PDE9A: variants seen among roughly 807,000 people sequenced by gnomAD.
PDE9A encodes phosphodiesterase 9A, also known as high affinity cGMP-specific 3',5'-cyclic phosphodiesterase 9A.
PDE9A carries 60 observed loss-of-function variants against 87.4 expected under a neutral mutation model. The observed-to-expected ratio is 0.69, with a 90% CI of 0.56 to 0.85. The LOEUF is 0.85. Among genes scored for constraint, PDE9A ranks in the 40% least tolerant of loss-of-function variants. The pLI, the probability that PDE9A is intolerant of heterozygous loss-of-function variation, is 0.00. For missense variants in PDE9A, 665 were observed against 779.0 expected (o/e 0.85, Z 1.74); for synonymous variants, 272 against 279.4 (o/e 0.97, Z 0.27).
At chr21:42,748,022 A>G (rs1337609345) in intron 8 of PDE9A, among the ~76,000 whole-genome samples, 1 of 152,198 alleles carries the variant, frequency 6.6e-6, no homozygotes, top group Non-Finnish European at 1.5e-5. Context: ...AGCGGGCCCC[A>G]GCAGACCCTC....
intron 4 of PDE9A, among the ~76,000 whole-genome samples, chr21:42,706,362 C>T (rs949693577): frequency 6.6e-6 from 1 of 152,184 alleles, no homozygotes; most frequent in African/African-American, 2.4e-5. Flanking sequence ...TGTACAACCT[C>T]AGCCAGGCAT....
chr21:42,731,980 A>AC (rs750155380), intron 5 of PDE9A, 31 bp downstream of exon 5: 2 of 1,611,376 alleles, frequency 1.2e-6, no homozygotes, highest in Non-Finnish European at 1.7e-6. Context: ...CACAGCCTCC[A>AC]CCCCCCAACA....
chr21:42,748,716 T>A (rs1414489045), intron 8 of PDE9A, among the ~76,000 whole-genome samples: 3 of 152,176 alleles, frequency 2.0e-5, no homozygotes, highest in African/African-American at 4.8e-5. Context: ...AACTAAAACA[T>A]GCGTTGTGTA....
intron 7 of PDE9A, among the ~76,000 whole-genome samples, chr21:42,742,590 C>T (rs1014092250): frequency 2.7e-4 from 41 of 151,666 alleles, no homozygotes; most frequent in East Asian, 1.9e-4. Flanking sequence ...CTCAGCCTCC[C>T]GAGTAGCTGG....
rs933569325 is a variant in PDE9A, at chr21:42,723,565, C to T, written c.263-8205C>T. 1.3e-5 allele frequency among the ~76,000 whole-genome samples: 2 copies of T among 152,190 alleles called. No individual in the cohort carries two copies. The highest frequency in any genetic ancestry group is 4.8e-5 in the African/African-American group (2 of 41,450). ...GTATCTAGAGGTAAATCCCCATCAG[C>T]TTGGAGCAGCACCATGAAATCCACT... is the stretch of plus-strand genomic sequence containing the variant. On this transcript the variant is annotated intron_variant, in intron 4 of 19. Coordinates refer to ENST00000291539, the MANE Select transcript of PDE9A (RefSeq NM_002606.3). This position sits in a 1 kb window ranked among gnomAD's most constrained non-coding sequence, Gnocchi z 4.3.
At chr21:42,656,272 G>T (rs61639224) in intron 1 of PDE9A, among the ~76,000 whole-genome samples, 26,798 of 152,122 alleles carry the variant, frequency 0.18, 2,838 homozygotes, top group East Asian at 0.32. Flanking sequence ...TGTGTTCGTC[G>T]GCACCACCTG....
intron 1 of PDE9A, among the ~76,000 whole-genome samples, chr21:42,677,046 G>A (rs1266270048): frequency 6.6e-6 from 1 of 152,154 alleles, no homozygotes; most frequent in East Asian, 1.9e-4. Flanking sequence ...TCCCTCCTGG[G>A]GAAGGGTAGT....
chr21:42,653,723 CG>C lies in PDE9A; in HGVS notation c.-91del, dbSNP rs2056816437. The C allele has an allele frequency of 3.4e-5, 11 of 328,280 alleles. No homozygotes were observed. The highest frequency in any genetic ancestry group is 5.0e-5 in the Admixed American group (1 of 20,074). 20.3% of individuals were successfully genotyped at this position (328,280 alleles called of 1,614,324 possible). A position where few individuals can be genotyped will look rare whatever the true frequency, so the allele number is the denominator to read the frequency against. On this transcript the variant is annotated 5_prime_UTR_variant, in exon 1 of 20. Coordinates refer to ENST00000291539, the MANE Select transcript of PDE9A (RefSeq NM_002606.3). ...TGAGCGCCGCGGGCCGCCCCCCGCC[CG>C]CCCCCTCCCCTGCTCCCCTCCCCCG...
intron 14 of PDE9A, among the ~76,000 whole-genome samples, chr21:42,762,968 C>T (rs919913873): frequency 6.6e-6 from 1 of 152,228 alleles, no homozygotes; most frequent in African/African-American, 2.4e-5. Flanking sequence ...GCTGGGATTA[C>T]AGGTGTGAGC....
chr21:42,758,728 C>T (rs1444766857), intron 10 of PDE9A: 4 of 404,046 alleles, frequency 9.9e-6, no homozygotes, highest in South Asian at 3.9e-5. Flanking sequence ...TCGGAACTGG[C>T]CCTCCACGCC....
intron 10 of PDE9A, among the ~76,000 whole-genome samples, chr21:42,754,296 G>A (rs777137975): frequency 1.8e-4 from 27 of 152,306 alleles, no homozygotes; most frequent in African/African-American, 6.3e-4. Flanking sequence ...TGGGGGAGAC[G>A]GCTGTCAGGG....
At chr21:42,740,783 A>AGAT (rs1010767517) in intron 7 of PDE9A, among the ~76,000 whole-genome samples, 2 of 151,884 alleles carry the variant, frequency 1.3e-5, no homozygotes, top group Admixed American at 6.6e-5. Context: ...ATAGATAGAT[A>AGAT]GATAGATAGA....
rs768612231 is a variant in PDE9A, at chr21:42,759,530, G to T, written c.897+445G>T. Among the ~76,000 whole-genome samples, 1 of 147,988 alleles carries T rather than the reference G, an allele frequency of 6.8e-6. No homozygotes were observed. Among genetic ancestry groups the T allele is most frequent in the African/African-American group, 2.5e-5 (1 of 39,730 alleles). On this transcript the variant is annotated intron_variant, in intron 11 of 19. Transcript: ENST00000291539. This position sits in a 1 kb window ranked among gnomAD's most constrained non-coding sequence, Gnocchi z 7.2. ...TGTGTGGATGTAAATGTGTGGGAGC[G>T]TGTGTGTGTGTGAGTGTGGGGTGTG...
intron 4 of PDE9A, among the ~76,000 whole-genome samples, chr21:42,715,287 C>T (rs2049792104): frequency 6.7e-6 from 1 of 149,962 alleles, no homozygotes; most frequent in Non-Finnish European, 1.5e-5. Context: ...TCCCCCCACA[C>T]ACAGACATTC....
chr21:42,729,615 C>T (rs940428576), intron 4 of PDE9A, among the ~76,000 whole-genome samples: 1 of 152,122 alleles, frequency 6.6e-6, no homozygotes, highest in Non-Finnish European at 1.5e-5. Flanking sequence ...GATTTTTCCT[C>T]TCTTCAAATG....
rs1389596798 is a variant in PDE9A at position 42,759,496 on chromosome 21, G to T, written c.897+411G>T. Among the ~76,000 whole-genome samples, 1 of 148,444 alleles carries T rather than the reference G, an allele frequency of 6.7e-6. No homozygotes were observed. Among genetic ancestry groups the T allele is most frequent in the African/African-American group, 2.5e-5 (1 of 39,218 alleles). On this transcript the variant is annotated intron_variant, in intron 11 of 19. Transcript: ENST00000291539. This position sits in a 1 kb window ranked among gnomAD's most constrained non-coding sequence, Gnocchi z 7.2. ...AGCATGGGGGTGTCTGCATGTGTTT[G>T]TGAGTGGGTGTGTGGATGTAAATGT...
At chr21:42,673,896 G>A (rs2058695674) in intron 1 of PDE9A, among the ~76,000 whole-genome samples, 1 of 152,272 alleles carries the variant, frequency 6.6e-6, no homozygotes, top group Non-Finnish European at 1.5e-5. Flanking sequence ...CACGGCAGTG[G>A]CCATGAACGG....
rs2058796252 is a variant in PDE9A at position 42,675,433 on chromosome 21, C to T, written c.70-10759C>T. 6.6e-6 allele frequency among the ~76,000 whole-genome samples: 1 copy of T among 152,332 alleles called. No individual in the cohort carries two copies. Among genetic ancestry groups the T allele is most frequent in the African/African-American group, 2.4e-5 (1 of 41,562 alleles). On this transcript the variant is annotated intron_variant, in intron 1 of 19. Coordinates refer to ENST00000291539, the MANE Select transcript of PDE9A (RefSeq NM_002606.3). This position sits in a 1 kb window ranked among gnomAD's most constrained non-coding sequence, Gnocchi z 4.3. ...GGGTGCAGTGGAGATTAGATTAGAT[C>T]GTCCGTGGAAAGCACCAGAATGGTG...
intron 1 of PDE9A, among the ~76,000 whole-genome samples, chr21:42,677,948 A>G (rs1445618049): frequency 1.3e-5 from 2 of 152,178 alleles, no homozygotes; most frequent in East Asian, 3.9e-4. Flanking sequence ...CAGCCTAGTT[A>G]TCTTGTTTGT....
Sources: allele counts gnomAD v4.1 joint callset (sites outside exome capture counted in the v4.1 genomes callset), GRCh38; gene constraint gnomAD v4.1.1; non-coding constraint Gnocchi (gnomAD v3.1); transcripts MANE v1.5; gene names NCBI Gene and HGNC (gene_info 2026-07-23, HGNC 2026-07-21).